Variants in AGBL4 observed in about 807,000 individuals in gnomAD.
The protein encoded by AGBL4 is AGBL carboxypeptidase 4, also known as cytosolic carboxypeptidase 6.
In AGBL4, 58 loss-of-function variants were observed where a neutral mutation model predicts 66.4. The observed-to-expected ratio is 0.87, with a 90% CI of 0.71 to 1.09. The LOEUF (loss-of-function observed/expected upper bound fraction) is 1.09. AGBL4 is among the 50% of genes least tolerant of loss of function. AGBL4 has a pLI of 0.00. For missense variants in AGBL4, 579 were observed against 631.0 expected (o/e 0.92, Z 0.88); for synonymous variants, 234 against 222.9 (o/e 1.05, Z -0.44).
intron 5 of AGBL4, among the ~76,000 whole-genome samples, chr1:48,915,861 T>C (rs1653541485): frequency 6.6e-6 from 1 of 152,058 alleles, no homozygotes; most frequent in Non-Finnish European, 1.5e-5. Flanking sequence ...AAGATTTAGA[T>C]ACTAAGAAAT....
intron 3 of AGBL4, among the ~76,000 whole-genome samples, chr1:49,409,412 A>T (rs1214872317): frequency 6.6e-6 from 1 of 152,124 alleles, no homozygotes; most frequent in Non-Finnish European, 1.5e-5. Flanking sequence ...AGAGTCAGAG[A>T]AATGAGACAC....
intron 5 of AGBL4, among the ~76,000 whole-genome samples, chr1:49,008,367 A>T (rs1356631342): frequency 6.6e-6 from 1 of 151,956 alleles, no homozygotes; most frequent in African/African-American, 2.4e-5. Flanking sequence ...GAGCACCCAG[A>T]TTCATAAAGC....
intron 3 of AGBL4, among the ~76,000 whole-genome samples, chr1:49,510,994 G>A (rs1324690650): frequency 6.6e-6 from 1 of 151,718 alleles, no homozygotes; most frequent in Non-Finnish European, 1.5e-5. Context: ...TAGCCTTGTA[G>A]TATAGTTTGA....
intron 2 of AGBL4, among the ~76,000 whole-genome samples, chr1:49,721,429 G>T (rs1012202930): frequency 6.6e-6 from 1 of 151,926 alleles, no homozygotes; most frequent in Non-Finnish European, 1.5e-5. Flanking sequence ...CAAACCCACC[G>T]GCAGGAACCA....
At chr1:49,510,180 C>G (rs1272595765) in intron 3 of AGBL4, among the ~76,000 whole-genome samples, 1 of 151,564 alleles carries the variant, frequency 6.6e-6, no homozygotes, top group South Asian at 2.1e-4. Flanking sequence ...AATGGTTGAA[C>G]TAGTTTACAG....
rs150531053 is a variant in AGBL4, at chr1:48,549,453, GA to G, written c.1268-9716del. 6.0e-3 allele frequency among the ~76,000 whole-genome samples: 909 copies of G among 152,252 alleles called. 20 individuals carry two copies. The East Asian group carries it at 0.067, about 11-fold the overall frequency. On this transcript the variant is annotated intron_variant, in intron 11 of 13. Transcript: ENST00000371839. ...CCTAGGTAAGAAGACCTGTGAAAGA[GA>G]GGAGAGGGAGAAGGAGAGGGAGAGG...
chr1:49,937,708 G>C lies in AGBL4; in HGVS notation c.34+86055C>G, dbSNP rs542175553. On this transcript the variant is annotated intron_variant, in intron 1 of 13. Coordinates refer to ENST00000371839, the MANE Select transcript of AGBL4 (RefSeq NM_032785.4). ...ATCTCATTCAAAACAGCTCAACTAC[G>C]TAGAAACTGAACAACCTGCTCCTGA... Among the ~76,000 whole-genome samples, 58 of 152,166 alleles carry C rather than the reference G, an allele frequency of 3.8e-4. 1 individual carries two copies. In the South Asian group the frequency reaches 9.5e-3, roughly 25 times the overall value.
At chr1:49,777,605 A>G (rs55820242) in intron 2 of AGBL4, among the ~76,000 whole-genome samples, 14,082 of 152,230 alleles carry the variant, frequency 0.093, 861 homozygotes, top group African/African-American at 0.16. Flanking sequence ...AAGTTTATGC[A>G]TACCATCTTG....
At chr1:49,991,847 T>C (rs1365469485) in intron 1 of AGBL4, among the ~76,000 whole-genome samples, 2 of 152,172 alleles carry the variant, frequency 1.3e-5, no homozygotes, top group South Asian at 2.1e-4. Context: ...CAACTAGATC[T>C]GAATTAGTCC....
intron 3 of AGBL4, among the ~76,000 whole-genome samples, chr1:49,260,673 A>G (rs1653053259): frequency 6.6e-6 from 1 of 152,176 alleles, no homozygotes. Flanking sequence ...TCAATAACTT[A>G]CCAACCAAAA....
chr1:49,244,940 T>C (rs889062438), intron 4 of AGBL4, among the ~76,000 whole-genome samples: 1 of 151,776 alleles, frequency 6.6e-6, no homozygotes, highest in Non-Finnish European at 1.5e-5. Context: ...ATGAATTGGC[T>C]GAAAAGGTAT....
intron 2 of AGBL4, among the ~76,000 whole-genome samples, chr1:49,827,605 G>T (rs1014695520): frequency 7.9e-5 from 12 of 152,208 alleles, no homozygotes; most frequent in Non-Finnish European, 4.4e-5. Flanking sequence ...TCCATAGATT[G>T]ATGCTGGTCT....
At chr1:49,795,012 T>C (rs1410291442) in intron 2 of AGBL4, among the ~76,000 whole-genome samples, 3 of 151,820 alleles carry the variant, frequency 2.0e-5, no homozygotes, top group Non-Finnish European at 4.4e-5. Context: ...TCTCTGCCCT[T>C]GAGGTCTTCA....
At chr1:49,838,227 C>T (rs942714359) in intron 2 of AGBL4, among the ~76,000 whole-genome samples, 4 of 152,146 alleles carry the variant, frequency 2.6e-5, no homozygotes, top group East Asian at 1.9e-4. Context: ...CTGAGAGCTC[C>T]GGCTATCCAA....
intron 3 of AGBL4, among the ~76,000 whole-genome samples, chr1:49,251,153 C>T (rs1431286123): frequency 6.6e-6 from 1 of 152,098 alleles, no homozygotes; most frequent in Non-Finnish European, 1.5e-5. Flanking sequence ...GGCCCCAAAC[C>T]ATATCTTCTG....
At chr1:49,238,793 G>C (rs909523154) in intron 4 of AGBL4, among the ~76,000 whole-genome samples, 1 of 151,996 alleles carries the variant, frequency 6.6e-6, no homozygotes, top group Non-Finnish European at 1.5e-5. Flanking sequence ...AATATTTTGG[G>C]GAGCACCTTT....
At chr1:48,919,450 C>A (rs545197426) in intron 5 of AGBL4, among the ~76,000 whole-genome samples, 2 of 152,120 alleles carry the variant, frequency 1.3e-5, no homozygotes, top group African/African-American at 4.8e-5. Flanking sequence ...TGAATTTATT[C>A]CCCATCCAAG....
chr1:49,659,595 C>T (rs967734502), intron 3 of AGBL4, among the ~76,000 whole-genome samples: 4 of 152,102 alleles, frequency 2.6e-5, no homozygotes, highest in East Asian at 3.8e-4. Context: ...ACAAGAAGTG[C>T]TAACCATCCT....
chr1:49,031,549 A>G (rs1557578749), intron 5 of AGBL4, among the ~76,000 whole-genome samples: 1 of 152,168 alleles, frequency 6.6e-6, no homozygotes, highest in African/African-American at 2.4e-5. Flanking sequence ...CCTACAATTC[A>G]ATAATAAAAA....
Sources: allele counts gnomAD v4.1 joint callset (sites outside exome capture counted in the v4.1 genomes callset), GRCh38; gene constraint gnomAD v4.1.1; transcripts MANE v1.5; gene names NCBI Gene and HGNC (gene_info 2026-07-23, HGNC 2026-07-21).